Variants in XPNPEP3 observed in about 807,000 individuals in gnomAD.
XPNPEP3 encodes X-prolyl aminopeptidase 3, also known as xaa-Pro aminopeptidase 3.
In XPNPEP3, 41 loss-of-function variants were observed where a neutral mutation model predicts 60.0. The ratio of observed to expected loss-of-function variants is 0.68; its 90% CI spans 0.53 to 0.89. XPNPEP3 has a LOEUF of 0.89. XPNPEP3 is among the 40% of genes least tolerant of loss of function. The pLI is 0.00. For synonymous variants in XPNPEP3, 212 were observed against 223.2 expected, an observed-to-expected ratio of 0.95 and a Z score of 0.45; for missense variants, 598 against 638.9, an observed-to-expected ratio of 0.94 and a Z score of 0.69.
At chr22:40,897,691 AT>A (rs1348428011) in intron 4 of XPNPEP3, among the ~76,000 whole-genome samples, 2 of 152,028 alleles carry the variant, frequency 1.3e-5, no homozygotes, top group African/African-American at 4.8e-5. Flanking sequence ...ACCATTTCAC[AT>A]TTCTACCAGC....
chr22:40,924,239 A>T (rs1479553956), intron 8 of XPNPEP3, 123 bp from the exon 9 acceptor site: 8 of 1,395,048 alleles, frequency 5.7e-6, no homozygotes, highest in Non-Finnish European at 8.1e-6. Context: ...CCAAGGAGGG[A>T]TTAAACTGAA....
rs1244037712 is a variant in XPNPEP3 at position 40,929,809 on chromosome 22, C to T, written c.*3374C>T. On this transcript the variant is annotated 3_prime_UTR_variant, in exon 10 of 10. Transcript: ENST00000357137. ...AGCTGTGTGTGATCTTACTCATTCT[C>T]AGCCATGCCGCAGACATACCCATTT... 6.6e-6 allele frequency: 1 copy of T among 152,208 alleles called. No individual in the cohort carries two copies. Among genetic ancestry groups the T allele is most frequent in the Non-Finnish European group, 1.5e-5 (1 of 68,038 alleles). The allele number at this position is 152,208 out of a possible 1,614,324, so 9.4% of individuals were successfully genotyped here.
rs541358782 is a variant in XPNPEP3, at chr22:40,912,714, A to T, written c.970-1525A>T. On this transcript the variant is annotated intron_variant, in intron 6 of 9. Coordinates refer to ENST00000357137, the MANE Select transcript of XPNPEP3 (RefSeq NM_022098.4). Reference sequence around the variant, plus strand: ...GTGAAACCCCATCTCTACTAAAAATACAAAAATTAGCTGGGCGTTGTAGCG... The same window carrying T: ...GTGAAACCCCATCTCTACTAAAAATTCAAAAATTAGCTGGGCGTTGTAGCG... Among the ~76,000 whole-genome samples the T allele has an allele frequency of 3.9e-5, 6 of 152,220 alleles. No individual in the cohort carries two copies. In the East Asian group the frequency reaches 1.2e-3, roughly 29 times the overall value.
chr22:40,865,952 G>C (rs1271771548), intron 1 of XPNPEP3, among the ~76,000 whole-genome samples: 1 of 152,114 alleles, frequency 6.6e-6, no homozygotes, highest in African/African-American at 2.4e-5. Flanking sequence ...CAGGGCTTTA[G>C]ATGCCATCTG....
chr22:40,902,869 CT>C, intron 4 of XPNPEP3, among the ~76,000 whole-genome samples: 1 of 103,890 alleles, frequency 9.6e-6, no homozygotes, highest in Admixed American at 7.8e-5. Context: ...CAGGTGCAGA[CT>C]CCTCTGTTTT....
At chr22:40,867,706 T>C (rs1017010827) in intron 1 of XPNPEP3, among the ~76,000 whole-genome samples, 6 of 151,674 alleles carry the variant, frequency 4.0e-5, no homozygotes, top group African/African-American at 1.5e-4. Context: ...AGACTCTGTC[T>C]TAAAAATAAA....
Position 40,931,818 on chromosome 22 carries a change from T to C in XPNPEP3, c.*5383T>C, listed in dbSNP as rs1343962651. ...TAACTTAAAGTACTGTGTGTGCATC[T>C]TCCTTCAAAACCTTGCTTTTTTCTC... On this transcript the variant is annotated 3_prime_UTR_variant, in exon 10 of 10. Transcript: ENST00000357137. 2.6e-5 allele frequency: 4 copies of C among 152,212 alleles called. No individual in the cohort carries two copies. The highest frequency in any genetic ancestry group is 9.6e-5 in the African/African-American group (4 of 41,456). The allele number at this position is 152,212 out of a possible 1,614,324, so 9.4% of individuals were successfully genotyped here. A position where few individuals can be genotyped will look rare whatever the true frequency, so the allele number is the denominator to read the frequency against.
intron 2 of XPNPEP3, among the ~76,000 whole-genome samples, chr22:40,880,801 A>C (rs1439940149): frequency 3.3e-5 from 5 of 151,860 alleles, no homozygotes; most frequent in African/African-American, 1.2e-4. Context: ...AAAAAAAAAA[A>C]AAACCATTGG....
intron 7 of XPNPEP3, among the ~76,000 whole-genome samples, chr22:40,919,266 G>T (rs2058207592): frequency 6.6e-6 from 1 of 152,114 alleles, no homozygotes; most frequent in Non-Finnish European, 1.5e-5. Flanking sequence ...GAAGTACATT[G>T]TAAAAAGGCC....
chr22:40,896,083 C>T (rs996507641), intron 4 of XPNPEP3, among the ~76,000 whole-genome samples: 2 of 152,170 alleles, frequency 1.3e-5, no homozygotes, highest in Admixed American at 6.6e-5. Flanking sequence ...TTCCTTTAAA[C>T]TCAGATAATA....
rs1014689275 is a variant in XPNPEP3 at position 40,898,553 on chromosome 22, G to A, written c.793-9034G>A. 3.3e-5 allele frequency among the ~76,000 whole-genome samples: 5 copies of A among 151,626 alleles called. 1 individual carries two copies. The highest frequency in any genetic ancestry group is 1.2e-4 in the African/African-American group (5 of 41,162). ...CAGGCGTGAGCCACCGCGCCCGGCC[G>A]ACCCATTTTGAGTTAATATTTATAT... On this transcript the variant is annotated intron_variant, in intron 4 of 9. Transcript: ENST00000357137.
chr22:40,888,561 T>C, intron 4 of XPNPEP3: 1 of 204,046 alleles, frequency 4.9e-6, no homozygotes, highest in South Asian at 5.4e-5. Flanking sequence ...TTTTAAAGAC[T>C]GAATAATATT....
At position 40,927,420 on chromosome 22, in the gene XPNPEP3, G is replaced by A. The variant is rs929080814; in HGVS notation, c.*985G>A. The A allele has an allele frequency of 2.0e-5, 3 of 152,278 alleles. No individual in the cohort carries two copies. The allele number at this position is 152,278 out of a possible 1,614,324, so 9.4% of individuals were successfully genotyped here. A position where few individuals can be genotyped will look rare whatever the true frequency, so the allele number is the denominator to read the frequency against. ...ACCTGGGAGGTGGAGGTTGCAGTGAGCTGAGCTCATGCGACTGCACTCCAG... is the reference window on the plus strand; with the variant it reads ...ACCTGGGAGGTGGAGGTTGCAGTGAACTGAGCTCATGCGACTGCACTCCAG... On this transcript the variant is annotated 3_prime_UTR_variant, in exon 10 of 10. Coordinates refer to ENST00000357137, the MANE Select transcript of XPNPEP3 (RefSeq NM_022098.4).
chr22:40,861,899 A>C, intron 1 of XPNPEP3: 1 of 1,613,936 alleles, frequency 6.2e-7, no homozygotes, highest in South Asian at 1.1e-5. Flanking sequence ...GATTTTTATC[A>C]GGGTGCCATT....
intron 4 of XPNPEP3, among the ~76,000 whole-genome samples, chr22:40,902,888 A>G (rs1453770623): frequency 6.6e-6 from 1 of 152,168 alleles, no homozygotes; most frequent in Non-Finnish European, 1.5e-5. Flanking sequence ...TTTTCTCCCT[A>G]CGTAAGGGCT....
chr22:40,879,536 T>C (rs2058039544), intron 2 of XPNPEP3, among the ~76,000 whole-genome samples: 1 of 152,032 alleles, frequency 6.6e-6, no homozygotes. Context: ...TGAAACCCCA[T>C]CTCTACTAAA....
At chr22:40,866,997 CGTGCATGTGGAGAAG>C (rs1391378865) in intron 1 of XPNPEP3, among the ~76,000 whole-genome samples, 1 of 152,146 alleles carries the variant, frequency 6.6e-6, no homozygotes, top group Non-Finnish European at 1.5e-5. Context: ...TGTGCACGAG[CGTGCATGTGGAGAAG>C]GTGCAGGAGG....
At chr22:40,915,113 A>T (rs1459406773) in intron 7 of XPNPEP3, among the ~76,000 whole-genome samples, 1 of 141,202 alleles carries the variant, frequency 7.1e-6, no homozygotes. Flanking sequence ...GTGCAGTGGC[A>T]TGATCTCGGC....
chr22:40,889,449 C>T (rs1165627518), intron 4 of XPNPEP3, among the ~76,000 whole-genome samples: 1 of 152,202 alleles, frequency 6.6e-6, no homozygotes, highest in Non-Finnish European at 1.5e-5. Flanking sequence ...ACCCCCATAA[C>T]CAACATTAAC....
Sources: gnomAD v4.1 joint callset for allele counts (sites outside exome capture counted in the v4.1 genomes callset) on GRCh38, gnomAD v4.1.1 for gene constraint, MANE v1.5 for transcripts, NCBI Gene and HGNC (gene_info 2026-07-23, HGNC 2026-07-21) for gene names.